Variants in ANO3 observed in about 807,000 individuals in gnomAD.
ANO3 encodes the protein anoctamin 3.
Under a neutral mutation model 144.8 loss-of-function variants are expected in ANO3, and 99 were observed. The ratio of observed to expected loss-of-function variants is 0.68; its 90% confidence interval spans 0.58 to 0.81. The LOEUF is 0.81. Ranked by LOEUF, ANO3 falls within the 30% of genes least tolerant of loss-of-function variation. The probability of loss-of-function intolerance (pLI) is 0.00; values close to 1 mark genes in which losing one functional copy is unlikely to be tolerated. For missense variants in ANO3, 905 were observed against 1,202.2 expected (o/e 0.75, Z 3.66); for synonymous variants, 414 against 392.6 (o/e 1.05, Z -0.64).
At chr11:26,372,303 C>T (rs1856283917) in intron 1 of ANO3, among the ~76,000 whole-genome samples, 1 of 152,178 alleles carries the variant, frequency 6.6e-6, no homozygotes, top group Non-Finnish European at 1.5e-5. Flanking sequence ...GTGTAAGTTT[C>T]CTGAGGCCTC....
intron 1 of ANO3, among the ~76,000 whole-genome samples, chr11:26,245,918 G>T (rs920690593): frequency 6.6e-6 from 1 of 152,224 alleles, no homozygotes; most frequent in Admixed American, 6.5e-5. Context: ...TATCTGTCCA[G>T]ATGGGTTGAC....
intron 1 of ANO3, among the ~76,000 whole-genome samples, chr11:26,415,056 ATGTGTGTGTG>A (rs149901742): frequency 2.3e-4 from 33 of 145,558 alleles, no homozygotes; most frequent in African/African-American, 6.7e-4. Context: ...ATTGGTGTGT[ATGTGTGTGTG>A]TGTGTGTGTG....
intron 1 of ANO3, among the ~76,000 whole-genome samples, chr11:26,296,381 C>T (rs1261052899): frequency 6.6e-6 from 1 of 152,050 alleles, no homozygotes; most frequent in Non-Finnish European, 1.5e-5. Flanking sequence ...ACCCTCTCTT[C>T]CATGCTTTGG....
intron 22 of ANO3, 123 bp downstream of exon 22, chr11:26,642,152 C>T (rs917639799): frequency 1.8e-5 from 18 of 1,015,228 alleles, no homozygotes; most frequent in East Asian, 5.1e-5. Context: ...TTCTAAAACA[C>T]GTCTGCACCT....
chr11:26,350,472 T>A (rs1855618386), intron 1 of ANO3, among the ~76,000 whole-genome samples: 1 of 152,222 alleles, frequency 6.6e-6, no homozygotes, highest in African/African-American at 2.4e-5. Context: ...TGAAATTGTT[T>A]CTTTTTAAAA....
chr11:26,426,128 C>T (rs187801931), intron 1 of ANO3, among the ~76,000 whole-genome samples: 339 of 152,154 alleles, frequency 2.2e-3, no homozygotes, highest in African/African-American at 7.5e-3. Flanking sequence ...AATGGGTGCA[C>T]TCAGTACTCG....
intron 1 of ANO3, among the ~76,000 whole-genome samples, chr11:26,378,828 A>G (rs963250842): frequency 7.9e-5 from 12 of 152,126 alleles, no homozygotes; most frequent in African/African-American, 1.7e-4. Context: ...CTGATTTTCT[A>G]TCATGCAGCA....
intron 17 of ANO3, among the ~76,000 whole-genome samples, chr11:26,615,631 G>A (rs1304515256): frequency 6.6e-6 from 1 of 151,982 alleles, no homozygotes; most frequent in African/African-American, 2.4e-5. Flanking sequence ...ATAGAAGATG[G>A]TAATAAATGT....
intron 1 of ANO3, among the ~76,000 whole-genome samples, chr11:26,382,682 A>G (rs918730503): frequency 6.6e-6 from 1 of 152,146 alleles, no homozygotes; most frequent in Non-Finnish European, 1.5e-5. Flanking sequence ...AGCTTACAAC[A>G]GTGATGAACT....
chr11:26,519,323 A>G (rs1307854949), intron 6 of ANO3, among the ~76,000 whole-genome samples: 1 of 152,230 alleles, frequency 6.6e-6, no homozygotes, highest in Non-Finnish European at 1.5e-5. Flanking sequence ...GATATTTGCC[A>G]TGATTCCAGA....
chr11:26,581,859 G>C (rs1851143269), intron 14 of ANO3, among the ~76,000 whole-genome samples: 1 of 152,096 alleles, frequency 6.6e-6, no homozygotes, highest in Admixed American at 6.5e-5. Flanking sequence ...CGTTCTCCCT[G>C]TCAGAAAATT....
intron 5 of ANO3, among the ~76,000 whole-genome samples, chr11:26,514,818 A>G (rs1483838326): frequency 6.6e-6 from 1 of 152,090 alleles, no homozygotes; most frequent in African/African-American, 2.4e-5. Flanking sequence ...AAATAGATGT[A>G]TGCTTACACT....
intron 23 of ANO3, among the ~76,000 whole-genome samples, chr11:26,645,746 G>A (rs1472576038): frequency 6.6e-6 from 1 of 152,040 alleles, no homozygotes; most frequent in East Asian, 1.9e-4. Flanking sequence ...AATAGCTAAT[G>A]CATGCTGGGT....
chr11:26,649,104 A>T (rs1853442194), intron 24 of ANO3, among the ~76,000 whole-genome samples: 1 of 152,142 alleles, frequency 6.6e-6, no homozygotes, highest in African/African-American at 2.4e-5. Context: ...TTTTATAATA[A>T]ATTGTCTACT....
At chr11:26,252,199 T>A (rs3101363) in intron 1 of ANO3, among the ~76,000 whole-genome samples, 145,946 of 152,318 alleles carry the variant, frequency 0.96, 70,232 homozygotes, top group East Asian at 1. Flanking sequence ...ACAACTTTTT[T>A]AAATGACATA....
At chr11:26,320,985 T>G (rs1227931187) in intron 1 of ANO3, among the ~76,000 whole-genome samples, 1 of 152,170 alleles carries the variant, frequency 6.6e-6, no homozygotes. Context: ...CACTTTTTAC[T>G]TCTTTCTCAT....
chr11:26,469,411 TA>T (rs1382599706), intron 4 of ANO3, among the ~76,000 whole-genome samples: 1 of 151,962 alleles, frequency 6.6e-6, no homozygotes, highest in African/African-American at 2.4e-5. Context: ...ATTAATCATT[TA>T]AAAACATTCA....
intron 1 of ANO3, among the ~76,000 whole-genome samples, chr11:26,229,994 G>A (rs1399136426): frequency 6.6e-6 from 1 of 152,146 alleles, no homozygotes; most frequent in African/African-American, 2.4e-5. Context: ...CAGGATCAGA[G>A]CCTCCTTACT....
At chr11:26,542,164 C>A in intron 11 of ANO3, 96 bp downstream of exon 11, 1 of 1,375,158 alleles carries the variant, frequency 7.3e-7, no homozygotes, top group South Asian at 1.7e-5. Context: ...AGTGAGGATG[C>A]AGTCTACAAA....
Sources: gnomAD v4.1 joint callset for allele counts (sites outside exome capture counted in the v4.1 genomes callset) on GRCh38, gnomAD v4.1.1 for gene constraint, MANE v1.5 for transcripts, NCBI Gene and HGNC (gene_info 2026-07-23, HGNC 2026-07-21) for gene names.